NEBL: variants seen among roughly 807,000 people sequenced by gnomAD.
The protein encoded by NEBL is nebulette.
Under a neutral mutation model 140.2 loss-of-function variants are expected in NEBL, and 122 were observed. That is an observed-to-expected ratio of 0.87 (90% CI 0.75 to 1.01). The LOEUF is 1.01. Ranked by LOEUF, NEBL falls within the 50% of genes least tolerant of loss-of-function variation. NEBL has a pLI of 0.00. For synonymous variants in NEBL, 436 were observed against 398.9 expected (o/e 1.09, Z -1.11); for missense variants, 1,365 against 1,231.3 (o/e 1.11, Z -1.62).
At chr10:21,003,438 A>C (rs1243475103) in intron 3 of NEBL, among the ~76,000 whole-genome samples, 1 of 152,162 alleles carries the variant, frequency 6.6e-6, no homozygotes, top group African/African-American at 2.4e-5. Context: ...TGGTTTCCCT[A>C]GCATTTTGAT....
Position 20,783,144 on chromosome 10 carries a change from G to C in NEBL, c.*2603C>G, listed in dbSNP as rs1030711119. Reference sequence around the variant, plus strand: ...CAAACCAAAGGTGGGAGGGAAGCACGTGGAAAGTGGAAAAGTTGTTCAGGC... The same window carrying C: ...CAAACCAAAGGTGGGAGGGAAGCACCTGGAAAGTGGAAAAGTTGTTCAGGC... On this transcript the variant is annotated 3_prime_UTR_variant, in exon 28 of 28. Transcript: ENST00000377122. 11 of 152,522 alleles carry C rather than the reference G, an allele frequency of 7.2e-5. No homozygotes were observed. The highest frequency in any genetic ancestry group is 2.7e-4 in the African/African-American group (11 of 41,408). 9.4% of individuals were successfully genotyped at this position (152,522 alleles called of 1,614,324 possible).
chr10:20,789,200 T>A (rs1018006459), intron 26 of NEBL, among the ~76,000 whole-genome samples: 13 of 152,188 alleles, frequency 8.5e-5, no homozygotes, highest in Non-Finnish European at 1.5e-4. Flanking sequence ...CACTGGTTTT[T>A]AACCATTTAA....
chr10:20,911,119 G>T (rs1019922339), intron 4 of NEBL, among the ~76,000 whole-genome samples: 1 of 151,956 alleles, frequency 6.6e-6, no homozygotes, highest in African/African-American at 2.4e-5. Context: ...AGCAGTAATT[G>T]TGTCACTGCA....
chr10:20,788,632 G>A (rs1564324886), intron 26 of NEBL, among the ~76,000 whole-genome samples: 1 of 150,112 alleles, frequency 6.7e-6, no homozygotes, highest in Non-Finnish European at 1.5e-5. Flanking sequence ...GTCCAGATAG[G>A]GGACCAAAGA....
chr10:21,096,672 T>C (rs992467849), intron 2 of NEBL, among the ~76,000 whole-genome samples: 53 of 152,188 alleles, frequency 3.5e-4, no homozygotes, highest in African/African-American at 1.2e-3. Context: ...CACCACCATG[T>C]CTGGCTAATT....
chr10:21,250,174 G>T (rs1271318247), intron 2 of NEBL, among the ~76,000 whole-genome samples: 1 of 152,200 alleles, frequency 6.6e-6, no homozygotes, highest in South Asian at 2.1e-4. Flanking sequence ...GTCTGTGAGG[G>T]TTTTGTCAAA....
rs181947937 is a variant in NEBL at position 20,942,194 on chromosome 10, A to C, written c.357+19478T>G. The stretch of plus-strand genomic sequence containing the variant: ...CGCTACCTGACTTCAAACTATACTA[A>C]AAGGCTACAGTAACCAAAACAGCAT... On this transcript the variant is annotated intron_variant, in intron 4 of 6. Coordinates refer to the NEBL transcript ENST00000417816. 2.5e-3 allele frequency among the ~76,000 whole-genome samples: 382 copies of C among 152,176 alleles called. 1 individual carries two copies. Among genetic ancestry groups the C allele is most frequent in the African/African-American group, 8.2e-3 (339 of 41,522 alleles).
intron 2 of NEBL, among the ~76,000 whole-genome samples, chr10:20,891,412 T>C (rs1847019351): frequency 6.6e-6 from 1 of 152,194 alleles, no homozygotes; most frequent in African/African-American, 2.4e-5. Context: ...TTTGATCATA[T>C]GGAGAAAAAA....
upstream of NEBL, among the ~76,000 whole-genome samples, chr10:21,175,345 G>C (rs533801247): frequency 1.3e-5 from 2 of 152,308 alleles, no homozygotes; most frequent in African/African-American, 4.8e-5. Context: ...GCTTCAATCG[G>C]CCTGGCTCAA....
rs3085048 is a variant in NEBL, at chr10:20,868,310, C to CTGTGTGTGTGTG, written c.684+342_684+353dup. On this transcript the variant is annotated intron_variant, in intron 7 of 27. Coordinates refer to ENST00000377122, the MANE Select transcript of NEBL (RefSeq NM_006393.3). The stretch of plus-strand genomic sequence containing the variant: ...AATATTTTTATTACTAAGTTAAAAA[C>CTGTGTGTGTGTG]TGTGTGTGTGTGTGTGTGTGTGTGT... 8.6e-3 allele frequency: 1,334 copies of CTGTGTGTGTGTG among 155,900 alleles called. 19 individuals are homozygous for CTGTGTGTGTGTG. The highest frequency in any genetic ancestry group is 0.032 in the African/African-American group (1,285 of 40,656). 9.7% of individuals were successfully genotyped at this position (155,900 alleles called of 1,614,324 possible).
At position 20,783,764 on chromosome 10, in the gene NEBL, A is replaced by C. The variant is rs1254846182; in HGVS notation, c.*1983T>G. 2 of 152,570 alleles carry C rather than the reference A, an allele frequency of 1.3e-5. No individual in the cohort carries two copies. The highest frequency in any genetic ancestry group is 2.9e-5 in the Non-Finnish European group (2 of 68,024). The allele number at this position is 152,570 out of a possible 1,614,324, so 9.5% of individuals were successfully genotyped here. A position where few individuals can be genotyped will look rare whatever the true frequency, so the allele number is the denominator to read the frequency against. On this transcript the variant is annotated 3_prime_UTR_variant, in exon 28 of 28. Coordinates refer to ENST00000377122, the MANE Select transcript of NEBL (RefSeq NM_006393.3). ...TTTAACGACAGATTTTTTTGCAAAAATATTGCAAGTTCAGTTTATTTTTGT... is the reference window on the plus strand; with the variant it reads ...TTTAACGACAGATTTTTTTGCAAAACTATTGCAAGTTCAGTTTATTTTTGT...
At chr10:21,042,332 C>T (rs1834310450) in intron 2 of NEBL, among the ~76,000 whole-genome samples, 1 of 152,194 alleles carries the variant, frequency 6.6e-6, no homozygotes, top group African/African-American at 2.4e-5. Context: ...GCTTGTCTAC[C>T]AGCAGTGGGC....
In NEBL at chr10:20,941,086, C is replaced by T. The variant is rs866573283; in HGVS notation, c.357+20586G>A. 1.5e-3 allele frequency among the ~76,000 whole-genome samples: 225 copies of T among 151,298 alleles called. 1 individual carries two copies. In the South Asian group the frequency reaches 0.015, roughly 10 times the overall value. ...AGGGAATCCTCCCTAACTCATTTTA[C>T]GAGGCCAGCATCATCCTGATACCAA... On this transcript the variant is annotated intron_variant, in intron 4 of 6. Coordinates refer to the NEBL transcript ENST00000417816.
At chr10:20,859,864 T>G in intron 7 of NEBL, 38 bp from the exon 8 acceptor site, 1 of 987,946 alleles carries the variant, frequency 1.0e-6, no homozygotes, top group Non-Finnish European at 1.6e-6. Context: ...AACTTTACAT[T>G]TAAAAGTAAC....
Position 20,858,683 on chromosome 10 carries a change from T to C in NEBL, c.799-339A>G, listed in dbSNP as rs75391344. 0.023 allele frequency among the ~76,000 whole-genome samples: 3,508 copies of C among 152,320 alleles called. 148 individuals are homozygous for C. The highest frequency in any genetic ancestry group is 0.08 in the African/African-American group (3,341 of 41,568). Reference sequence around the variant, plus strand: ...AGAAATTACTACAGTATTTCAACTATGCTTTGTGGAGATCTGAGGATTTTG... The same window carrying C: ...AGAAATTACTACAGTATTTCAACTACGCTTTGTGGAGATCTGAGGATTTTG... On this transcript the variant is annotated intron_variant, in intron 8 of 27. Transcript: ENST00000377122.
At chr10:21,177,817 C>T (rs781031741), upstream of NEBL, among the ~76,000 whole-genome samples, 1 of 152,146 alleles carries the variant, frequency 6.6e-6, no homozygotes, top group Non-Finnish European at 1.5e-5. Context: ...CGTGAGCCAC[C>T]GTGCCCAGCC....
chr10:20,830,061 C>T (rs1178511157), intron 16 of NEBL, among the ~76,000 whole-genome samples: 3 of 152,150 alleles, frequency 2.0e-5, no homozygotes, highest in South Asian at 4.1e-4. Flanking sequence ...TCCAAGTTCA[C>T]GAACACTGAG....
chr10:21,020,431 T>C (rs559965662), intron 2 of NEBL, among the ~76,000 whole-genome samples: 3 of 152,122 alleles, frequency 2.0e-5, no homozygotes, highest in Non-Finnish European at 4.4e-5. Flanking sequence ...TTGACTTCTC[T>C]TTTCTAAGCG....
chr10:21,252,228 T>C (rs928788633), intron 1 of NEBL, among the ~76,000 whole-genome samples: 1 of 152,270 alleles, frequency 6.6e-6, no homozygotes, highest in Admixed American at 6.5e-5. Context: ...TCAAATATCC[T>C]ATTTTGGATA....
Sources: allele counts gnomAD v4.1 joint callset (sites outside exome capture counted in the v4.1 genomes callset), GRCh38; gene constraint gnomAD v4.1.1; transcripts MANE v1.5; gene names NCBI Gene and HGNC (gene_info 2026-07-23, HGNC 2026-07-21).